The following CDK13 variants were observed in gnomAD, a reference collection of about 807,000 sequenced individuals.
The protein encoded by CDK13 is cyclin-dependent kinase 13.
Under a neutral mutation model 137.6 loss-of-function variants are expected in CDK13, and 40 were observed. The ratio of observed to expected loss-of-function variants is 0.29; its 90% CI spans 0.23 to 0.38. CDK13 has a LOEUF of 0.38. Ranked by LOEUF, CDK13 falls within the 10% of genes least tolerant of loss-of-function variation. The pLI, the probability that CDK13 is intolerant of heterozygous loss-of-function variation, is 1.00. For missense variants in CDK13, 1,704 were observed against 1,951.8 expected, an observed-to-expected ratio of 0.87 and a Z score of 2.39; for synonymous variants, 869 against 760.1, an observed-to-expected ratio of 1.14 and a Z score of -2.36.
chr7:39,980,261 A>G (rs1397934417), intron 1 of CDK13, among the ~76,000 whole-genome samples: 1 of 152,198 alleles, frequency 6.6e-6, no homozygotes, highest in Middle Eastern at 3.2e-3. Context: ...AATTAAAAAT[A>G]GAGAATGGTA....
intron 1 of CDK13, among the ~76,000 whole-genome samples, chr7:39,957,154 C>A (rs188602707): frequency 2.5e-4 from 36 of 144,734 alleles, no homozygotes; most frequent in African/African-American, 8.9e-4. Context: ...TGGTGTTTTA[C>A]TGTGTTGCTC....
At chr7:40,037,663 A>C (rs1302335388) in intron 5 of CDK13, among the ~76,000 whole-genome samples, 1 of 152,214 alleles carries the variant, frequency 6.6e-6, no homozygotes, top group Non-Finnish European at 1.5e-5. Flanking sequence ...TTGCTACTGT[A>C]GATGATTTCA....
At chr7:40,068,057 C>T (rs867674534) in intron 9 of CDK13, 4 of 149,032 alleles carry the variant, frequency 2.7e-5, no homozygotes, top group African/African-American at 5.0e-5. Flanking sequence ...ATTGCTCTGC[C>T]GCGCTCCAGC....
Position 39,950,438 on chromosome 7 carries a change from G to A in CDK13, c.-204G>A, listed in dbSNP as rs2116042586. On this transcript the variant is annotated 5_prime_UTR_variant, in exon 1 of 14. Coordinates refer to ENST00000181839, the MANE Select transcript of CDK13 (RefSeq NM_003718.5). ...CGCCGCCCGGATTCCTGCTTCCCTG[G>A]GGCCCGGAGGCTGCTGCGTACCCCA... 3 of 1,233,496 alleles carry A rather than the reference G, an allele frequency of 2.4e-6. No individual in the cohort carries two copies. The highest frequency in any genetic ancestry group is 3.0e-6 in the Non-Finnish European group (3 of 988,942). 76.4% of individuals were successfully genotyped at this position (1,233,496 alleles called of 1,614,324 possible). A position where few individuals can be genotyped will look rare whatever the true frequency, so the allele number is the denominator to read the frequency against.
chr7:39,957,578 G>T (rs1330764392), intron 1 of CDK13, among the ~76,000 whole-genome samples: 2 of 152,174 alleles, frequency 1.3e-5, no homozygotes, highest in Non-Finnish European at 2.9e-5. Context: ...GATAGGGCAG[G>T]TAATTGTTTC....
At chr7:40,074,620 A>C (rs1454752562) in intron 9 of CDK13, among the ~76,000 whole-genome samples, 2 of 151,848 alleles carry the variant, frequency 1.3e-5, no homozygotes, top group African/African-American at 4.8e-5. Context: ...ACTTTGATAG[A>C]CTGAGGCAGG....
intron 9 of CDK13, chr7:40,066,999 T>C (rs1786294614): frequency 1.3e-5 from 2 of 152,178 alleles, no homozygotes; most frequent in South Asian, 4.1e-4. Flanking sequence ...CCTGATTGTA[T>C]TGGAAACTAG....
rs1361559368 is a variant in CDK13, at chr7:40,088,437, C to T, written c.3235+106C>T. 6.9e-6 allele frequency: 6 copies of T among 870,078 alleles called. No homozygotes were observed. The Admixed American group carries it at 1.5e-4, about 22-fold the overall frequency. 53.9% of individuals were successfully genotyped at this position (870,078 alleles called of 1,614,324 possible). A position where few individuals can be genotyped will look rare whatever the true frequency, so the allele number is the denominator to read the frequency against. On this transcript the variant is annotated intron_variant, in intron 12 of 13. Coordinates refer to ENST00000181839, the MANE Select transcript of CDK13 (RefSeq NM_003718.5). Reference sequence around the variant, plus strand: ...TCTTGTGGCTAACAATGAAAATTAACATTTATTCACTGAACTAGACATTTC... The same window carrying T: ...TCTTGTGGCTAACAATGAAAATTAATATTTATTCACTGAACTAGACATTTC...
intron 6 of CDK13, 99 bp from the exon 7 acceptor site, chr7:40,047,722 T>A: frequency 6.7e-6 from 1 of 149,346 alleles, no homozygotes; most frequent in South Asian, 1.4e-4. Context: ...TTTACATAGG[T>A]TTTTTTTTTT....
chr7:39,994,334 A>G (rs1369488677), intron 2 of CDK13, among the ~76,000 whole-genome samples: 2 of 152,036 alleles, frequency 1.3e-5, no homozygotes, highest in South Asian at 2.1e-4. Flanking sequence ...ACTCCCCCCA[A>G]CCCAGTGTTG....
rs1239685261 is a variant in CDK13, at chr7:39,951,626, C to A, written c.985C>A (p.His329Asn). Residue 329 changes from histidine (H) to asparagine (N), a missense_variant, in exon 1 of 14, where the codon CAC becomes AAC. By Grantham distance (68) the His-to-Asn change is moderately conservative (BLOSUM62 1). Coordinates refer to ENST00000181839, the MANE Select transcript of CDK13 (RefSeq NM_003718.5). Reference sequence around the variant, plus strand: ...AGGCCGGGACGACAGCCCGGTGTCCCACAGGGCCTCTCAGAGCCTGAGGAG... The same window carrying A: ...AGGCCGGGACGACAGCCCGGTGTCCAACAGGGCCTCTCAGAGCCTGAGGAG... ...LGGRDDSPVS[H>N]RASQSLRSRK... 6 of 1,486,508 alleles carry A rather than the reference C, an allele frequency of 4.0e-6. No individual in the cohort carries two copies. Among genetic ancestry groups the A allele is most frequent in the East Asian group, 2.6e-5 (1 of 37,746 alleles). 92.1% of individuals were successfully genotyped at this position (1,486,508 alleles called of 1,614,324 possible).
chr7:40,093,853 C>T (rs1786980708), intron 13 of CDK13, among the ~76,000 whole-genome samples: 2 of 149,256 alleles, frequency 1.3e-5, no homozygotes, highest in Non-Finnish European at 3.0e-5. Context: ...CTGCAGTGAG[C>T]TGTGATCACT....
At chr7:39,955,513 T>C (rs1225242882) in intron 1 of CDK13, among the ~76,000 whole-genome samples, 2 of 152,244 alleles carry the variant, frequency 1.3e-5, no homozygotes, top group African/African-American at 2.4e-5. Context: ...TATTGAAATT[T>C]AGTTGGCATT....
chr7:40,044,450 C>T lies in CDK13; in HGVS notation c.2354-1386C>T, dbSNP rs368321396. ...CCTCCTACTTCAGTCCCCCGAGTAGCTGGGATTAAGATAACACACCACCAC... is the reference window on the plus strand; with the variant it reads ...CCTCCTACTTCAGTCCCCCGAGTAGTTGGGATTAAGATAACACACCACCAC... On this transcript the variant is annotated intron_variant, in intron 5 of 13. Coordinates refer to ENST00000181839, the MANE Select transcript of CDK13 (RefSeq NM_003718.5). 4.0e-5 allele frequency among the ~76,000 whole-genome samples: 6 copies of T among 151,854 alleles called. No individual in the cohort carries two copies. In the East Asian group the frequency reaches 1.2e-3, roughly 29 times the overall value.
chr7:39,996,983 A>G (rs73127862), intron 2 of CDK13, among the ~76,000 whole-genome samples: 40,951 of 141,354 alleles, frequency 0.29, 7,240 homozygotes, highest in Middle Eastern at 0.49. Flanking sequence ...AAAAGAAAAA[A>G]AAAAAGAAAA....
At chr7:39,974,065 T>A (rs1421599969) in intron 1 of CDK13, among the ~76,000 whole-genome samples, 1 of 152,196 alleles carries the variant, frequency 6.6e-6, no homozygotes. Flanking sequence ...ACTGTTTGGG[T>A]TCTTGGCATT....
intron 12 of CDK13, among the ~76,000 whole-genome samples, chr7:40,089,142 T>A (rs1786857661): frequency 6.6e-6 from 1 of 151,450 alleles, no homozygotes; most frequent in African/African-American, 2.4e-5. Flanking sequence ...ACTTAAAATA[T>A]GAGAAGGGAA....
chr7:40,039,271 TAGAG>T (rs905005743), intron 5 of CDK13, among the ~76,000 whole-genome samples: 64 of 150,772 alleles, frequency 4.2e-4, no homozygotes, highest in African/African-American at 7.5e-4. Context: ...TATATACAGA[TAGAG>T]AGAGAGAGAG....
chr7:40,056,008 A>G (rs1166025397), intron 7 of CDK13, among the ~76,000 whole-genome samples: 2 of 152,192 alleles, frequency 1.3e-5, no homozygotes, highest in African/African-American at 4.8e-5. Flanking sequence ...TTGTCTTTAC[A>G]TTTGTAAACG....
Sources: gnomAD v4.1 joint callset for allele counts (sites outside exome capture counted in the v4.1 genomes callset) on GRCh38, gnomAD v4.1.1 for gene constraint, MANE v1.5 for transcripts, NCBI Gene and HGNC (gene_info 2026-07-23, HGNC 2026-07-21) for gene names.